Variants in FRY observed in about 807,000 individuals in gnomAD.
FRY encodes protein furry homolog.
In FRY, 128 loss-of-function variants were observed where a neutral mutation model predicts 348.4. The ratio of observed to expected loss-of-function variants is 0.37; its 90% CI spans 0.32 to 0.43. FRY has a LOEUF of 0.43. Among genes scored for constraint, FRY ranks in the 20% least tolerant of loss-of-function variants. The probability of loss-of-function intolerance (pLI) is 1.00; values close to 1 mark genes in which losing one functional copy is unlikely to be tolerated. For synonymous variants in FRY, 1,370 were observed against 1,374.7 expected (o/e 1.00, Z 0.08); for missense variants, 2,736 against 3,695.2 (o/e 0.74, Z 6.73).
chr13:32,080,923 A>T (rs543322483), intron 2 of FRY, among the ~76,000 whole-genome samples: 5 of 152,360 alleles, frequency 3.3e-5, no homozygotes, highest in African/African-American at 1.2e-4. Flanking sequence ...AGATGCTTAC[A>T]CAGCTAGGTC....
At chr13:32,144,335 T>C (rs17077128) in intron 11 of FRY, among the ~76,000 whole-genome samples, 8,601 of 149,318 alleles carry the variant, frequency 0.058, 754 homozygotes, top group African/African-American at 0.19. Flanking sequence ...AAGAACATCT[T>C]GGAAACCGCT....
In FRY at chr13:32,295,630, C is replaced by G; in HGVS notation, c.*170C>G. The G allele has an allele frequency of 1.5e-6, 1 of 646,372 alleles. No individual in the cohort carries two copies. Among genetic ancestry groups the G allele is most frequent in the South Asian group, 1.8e-5 (1 of 55,240 alleles). 40.0% of individuals were successfully genotyped at this position (646,372 alleles called of 1,614,324 possible). ...GCAGAACTTCCAACGTGTAGCAATA[C>G]TATAAGAACCAAGGTAGCTTAGAAC... On this transcript the variant is annotated 3_prime_UTR_variant, in exon 61 of 61. Coordinates refer to ENST00000542859, the MANE Select transcript of FRY (RefSeq NM_023037.3).
chr13:32,281,338 T>A (rs933392404), intron 58 of FRY, among the ~76,000 whole-genome samples: 3 of 152,232 alleles, frequency 2.0e-5, no homozygotes, highest in South Asian at 4.1e-4. Flanking sequence ...GCCATATTCT[T>A]TCCATTTGTC....
At chr13:32,224,459 T>C in intron 37 of FRY, 74 bp downstream of exon 37, 1 of 1,368,622 alleles carries the variant, frequency 7.3e-7, no homozygotes, top group South Asian at 1.2e-5. Flanking sequence ...GAGAAAAACC[T>C]AGTCCAGGTC....
chr13:32,241,706 G>C (rs180778931), intron 46 of FRY, among the ~76,000 whole-genome samples: 49 of 152,260 alleles, frequency 3.2e-4, no homozygotes, highest in Non-Finnish European at 4.4e-5. Flanking sequence ...TGGCAGTCTG[G>C]AAAGTAGATT....
chr13:32,131,627 C>G (rs1309739873), intron 7 of FRY, 45 bp from the exon 8 acceptor site: 1 of 1,483,642 alleles, frequency 6.7e-7, no homozygotes, highest in East Asian at 2.3e-5. Flanking sequence ...ATTACAGGGA[C>G]TTTCCTACCC....
chr13:32,099,701 T>C (rs1027861666), intron 2 of FRY, among the ~76,000 whole-genome samples: 4 of 152,050 alleles, frequency 2.6e-5, no homozygotes, highest in African/African-American at 9.7e-5. Flanking sequence ...AGAAAACTAT[T>C]CATGATGAAT....
chr13:32,279,007 A>G (rs972341055), intron 58 of FRY, among the ~76,000 whole-genome samples: 1 of 152,304 alleles, frequency 6.6e-6, no homozygotes, highest in Middle Eastern at 3.4e-3. Flanking sequence ...AGGACAGAGT[A>G]AGAATGGATG....
At chr13:32,257,609 C>T (rs1887404484) in intron 51 of FRY, among the ~76,000 whole-genome samples, 1 of 151,322 alleles carries the variant, frequency 6.6e-6, no homozygotes, top group Non-Finnish European at 1.5e-5. Flanking sequence ...GTTTCCATAA[C>T]ATTTAACAGT....
intron 48 of FRY, among the ~76,000 whole-genome samples, chr13:32,247,764 C>T (rs9595213): frequency 0.023 from 3,525 of 152,216 alleles, 152 homozygotes; most frequent in African/African-American, 0.08. Flanking sequence ...AAAAATGGAA[C>T]GATCATAAGC....
intron 1 of FRY, among the ~76,000 whole-genome samples, chr13:32,069,608 T>C (rs1339809624): frequency 6.6e-6 from 1 of 152,176 alleles, no homozygotes; most frequent in Non-Finnish European, 1.5e-5. Flanking sequence ...TATTCAGCCT[T>C]AACAAGGAAG....
At chr13:32,276,802 G>GA (rs148695855) in intron 57 of FRY, among the ~76,000 whole-genome samples, 36 of 149,548 alleles carry the variant, frequency 2.4e-4, no homozygotes, top group Admixed American at 7.3e-4. Context: ...CAAGAAATTG[G>GA]AAAAAAAAAT....
intron 1 of FRY, among the ~76,000 whole-genome samples, chr13:32,034,046 C>T (rs1872378662): frequency 6.6e-6 from 1 of 152,218 alleles, no homozygotes; most frequent in Non-Finnish European, 1.5e-5. Context: ...CTAATTGCAC[C>T]TGCATGCACC....
intron 59 of FRY, among the ~76,000 whole-genome samples, chr13:32,291,028 C>T (rs1220518236): frequency 2.0e-5 from 3 of 151,948 alleles, no homozygotes; most frequent in Non-Finnish European, 4.4e-5. Flanking sequence ...TGACCTCTTG[C>T]AGGTGGTTAG....
chr13:32,258,032 T>C lies in FRY; in HGVS notation c.7417-3584T>C, dbSNP rs182425595. 3.3e-4 allele frequency: 439 copies of C among 1,334,152 alleles called. 1 individual carries two copies. The African/African-American group carries it at 5.8e-3, about 18-fold the overall frequency. The allele number at this position is 1,334,152 out of a possible 1,614,324, so 82.6% of individuals were successfully genotyped here. A position where few individuals can be genotyped will look rare whatever the true frequency, so the allele number is the denominator to read the frequency against. ...GTAGATGTTTTGCATCTTTGCAGAT[T>C]TATAACAACATAATTGCTTTTTTCC... On this transcript the variant is annotated intron_variant, in intron 51 of 60. Coordinates refer to ENST00000542859, the MANE Select transcript of FRY (RefSeq NM_023037.3).
At chr13:32,215,363 C>T (rs1288576759) in intron 35 of FRY, among the ~76,000 whole-genome samples, 1 of 151,998 alleles carries the variant, frequency 6.6e-6, no homozygotes, top group East Asian at 1.9e-4. Flanking sequence ...ACATTAAATG[C>T]CTGTATCAAA....
Position 32,202,534 on chromosome 13 carries a change from G to C in FRY, c.4018+7G>C. ...ACACTCCCCCTCTTCTCAGGTACCA[G>C]GCAATAGTCAATAATGACATATGTG... On this transcript the variant is annotated splice_region_variant and intron_variant, in intron 31 of 60. Coordinates refer to ENST00000542859, the MANE Select transcript of FRY (RefSeq NM_023037.3). 6.2e-7 allele frequency: 1 copy of C among 1,606,532 alleles called. No homozygotes were observed. Among genetic ancestry groups the C allele is most frequent in the Non-Finnish European group, 8.5e-7 (1 of 1,173,218 alleles).
chr13:32,083,187 T>C (rs1875612211), intron 2 of FRY, among the ~76,000 whole-genome samples: 1 of 152,188 alleles, frequency 6.6e-6, no homozygotes. Flanking sequence ...GTCTTCCAAT[T>C]CATTAATGTT....
chr13:32,056,703 T>C (rs1873643024), intron 1 of FRY, among the ~76,000 whole-genome samples: 1 of 152,228 alleles, frequency 6.6e-6, no homozygotes, highest in South Asian at 2.1e-4. Context: ...GTTATATCAC[T>C]GAAAAATAGT....
Sources: gnomAD v4.1 joint callset for allele counts (sites outside exome capture counted in the v4.1 genomes callset) on GRCh38, gnomAD v4.1.1 for gene constraint, MANE v1.5 for transcripts, NCBI Gene and HGNC (gene_info 2026-07-23, HGNC 2026-07-21) for gene names.